Variants in GALNT13 observed in about 807,000 individuals in gnomAD.
GALNT13 encodes polypeptide N-acetylgalactosaminyltransferase 13, also known as UDP-GalNAc:polypeptide N-acetylgalactosaminyltransferase 13.
In GALNT13, 28 loss-of-function variants were observed where a neutral mutation model predicts 64.2. That is an observed-to-expected ratio of 0.44 (90% CI 0.32 to 0.60). The LOEUF (loss-of-function observed/expected upper bound fraction) is 0.60. Among genes scored for constraint, GALNT13 ranks in the 20% least tolerant of loss-of-function variants. The pLI is 0.05. For missense variants in GALNT13, 577 were observed against 669.8 expected (o/e 0.86, Z 1.53); for synonymous variants, 214 against 224.6 (o/e 0.95, Z 0.42).
At chr2:153,622,658 T>C in the GALNT13 span, among the ~76,000 whole-genome samples, 1 of 152,140 alleles carries the variant, frequency 6.6e-6, no homozygotes. Context: ...AAACATTATA[T>C]CCTTTATTAC....
chr2:153,301,313 A>AAAAAAAAAAAG, the GALNT13 span, among the ~76,000 whole-genome samples: 2 of 103,282 alleles, frequency 1.9e-5, no homozygotes, highest in African/African-American at 5.9e-5. Flanking sequence ...CCTTCTCAAA[A>AAAAAAAAAAAG]AAAAAGAAAA....
the GALNT13 span, among the ~76,000 whole-genome samples, chr2:153,125,272 C>T: frequency 1.8e-4 from 28 of 152,168 alleles, no homozygotes; most frequent in Admixed American, 1.6e-3. Context: ...TTCTTCCTCC[C>T]ACATGACACT....
At chr2:153,588,880 C>T in the GALNT13 span, among the ~76,000 whole-genome samples, 38,010 of 152,146 alleles carry the variant, frequency 0.25, 5,021 homozygotes, top group South Asian at 0.42. Context: ...GAAATTTCTT[C>T]TGCAGGCTGG....
At chr2:153,703,465 TG>T in the GALNT13 span, among the ~76,000 whole-genome samples, 1 of 152,196 alleles carries the variant, frequency 6.6e-6, no homozygotes, top group African/African-American at 2.4e-5. Flanking sequence ...CTTGGGATTA[TG>T]TTTTTTTTCT....
chr2:153,968,675 T>G (rs1182305492), intron 3 of GALNT13, among the ~76,000 whole-genome samples: 1 of 152,232 alleles, frequency 6.6e-6, no homozygotes, highest in African/African-American at 2.4e-5. Flanking sequence ...GAAAAGTAGT[T>G]TCTGATTATA....
intron 3 of GALNT13, among the ~76,000 whole-genome samples, chr2:154,088,344 A>G (rs1166232389): frequency 6.6e-6 from 1 of 152,174 alleles, no homozygotes; most frequent in Non-Finnish European, 1.5e-5. Flanking sequence ...TAAACTCTCT[A>G]TAGTGTGTAT....
intron 3 of GALNT13, among the ~76,000 whole-genome samples, chr2:154,019,264 T>C (rs913375854): frequency 2.6e-5 from 4 of 152,150 alleles, no homozygotes; most frequent in Admixed American, 2.6e-4. Context: ...AAATGGATTG[T>C]TTAGGTTTTT....
At chr2:153,879,631 C>A (rs1686645269) in intron 1 of GALNT13, among the ~76,000 whole-genome samples, 1 of 151,958 alleles carries the variant, frequency 6.6e-6, no homozygotes, top group Non-Finnish European at 1.5e-5. Context: ...CCTCAGCCTC[C>A]CAATGTACTG....
chr2:153,875,224 G>C (rs1045246376), intron 1 of GALNT13, among the ~76,000 whole-genome samples: 1 of 152,028 alleles, frequency 6.6e-6, no homozygotes, highest in African/African-American at 2.4e-5. Flanking sequence ...TCCATGGGCA[G>C]CAATACTACT....
At chr2:153,915,278 G>A (rs746658672) in intron 2 of GALNT13, among the ~76,000 whole-genome samples, 2 of 152,042 alleles carry the variant, frequency 1.3e-5, no homozygotes, top group African/African-American at 2.4e-5. Flanking sequence ...AAAATTTTGG[G>A]GAATTGGTAA....
At chr2:153,523,152 T>A in the GALNT13 span, among the ~76,000 whole-genome samples, 3 of 148,750 alleles carry the variant, frequency 2.0e-5, no homozygotes, top group Admixed American at 6.8e-5. Flanking sequence ...TTGTCAAAGA[T>A]CAATTGACTA....
the GALNT13 span, among the ~76,000 whole-genome samples, chr2:153,078,318 CTTTTTT>C: frequency 1.5e-5 from 2 of 134,016 alleles, no homozygotes; most frequent in African/African-American, 2.8e-5. Flanking sequence ...CCTTTTCATT[CTTTTTT>C]TTTTTTTTTT....
chr2:153,521,954 CTTAG>C, the GALNT13 span, among the ~76,000 whole-genome samples: 1 of 152,102 alleles, frequency 6.6e-6, no homozygotes, highest in African/African-American at 2.4e-5. Context: ...TGAATGATAT[CTTAG>C]TTGCTTCAAA....
chr2:153,542,681 G>A, the GALNT13 span, among the ~76,000 whole-genome samples: 1 of 152,162 alleles, frequency 6.6e-6, no homozygotes, highest in African/African-American at 2.4e-5. Context: ...GGGGATTCTG[G>A]CTAAACAACC....
chr2:154,088,691 G>A (rs1168247178), intron 3 of GALNT13, among the ~76,000 whole-genome samples: 4 of 152,214 alleles, frequency 2.6e-5, no homozygotes, highest in South Asian at 2.1e-4. Context: ...GACGTCAGGC[G>A]ATTCACCCAC....
intron 4 of GALNT13, among the ~76,000 whole-genome samples, chr2:154,164,251 T>A (rs1396960838): frequency 1.3e-5 from 2 of 152,128 alleles, no homozygotes; most frequent in Non-Finnish European, 2.9e-5. Context: ...CAGGAAAAAC[T>A]GGTAATAGGG....
chr2:153,151,121 G>A, the GALNT13 span, among the ~76,000 whole-genome samples: 1 of 152,046 alleles, frequency 6.6e-6, no homozygotes, highest in East Asian at 1.9e-4. Context: ...TCTTCCATTT[G>A]TTTGTATCCC....
chr2:154,415,973 C>A (rs1699990956), intron 11 of GALNT13, among the ~76,000 whole-genome samples: 1 of 152,038 alleles, frequency 6.6e-6, no homozygotes, highest in Admixed American at 6.6e-5. Context: ...GAAAATCTAC[C>A]ATTCATTAAA....
At chr2:153,665,179 T>C in the GALNT13 span, among the ~76,000 whole-genome samples, 1 of 152,198 alleles carries the variant, frequency 6.6e-6, no homozygotes. Context: ...GAGAAGAATG[T>C]CTAGAATGGA....
Sources: gnomAD v4.1 joint callset for allele counts (sites outside exome capture counted in the v4.1 genomes callset) on GRCh38, gnomAD v4.1.1 for gene constraint, MANE v1.5 for transcripts, NCBI Gene and HGNC (gene_info 2026-07-23, HGNC 2026-07-21) for gene names.